The following PCNX1 variants were observed in gnomAD, a reference collection of about 807,000 sequenced individuals.
The protein encoded by PCNX1 is pecanex 1, also known as pecanex-like protein 1.
A neutral mutation model predicts 242.2 loss-of-function variants in PCNX1; 78 were observed. That is an observed-to-expected ratio of 0.32 (90% CI 0.27 to 0.39). PCNX1 has a LOEUF of 0.39. PCNX1 is among the 10% of genes least tolerant of loss of function. The probability of loss-of-function intolerance (pLI) is 1.00; values close to 1 mark genes in which losing one functional copy is unlikely to be tolerated. For synonymous variants in PCNX1, 1,024 were observed against 1,032.9 expected (o/e 0.99, Z 0.17); for missense variants, 2,581 against 2,856.5 (o/e 0.90, Z 2.20).
chr14:70,968,042 A>G (rs775678088), intron 3 of PCNX1, among the ~76,000 whole-genome samples, 156 bp from the exon 4 acceptor site: 2 of 152,220 alleles, frequency 1.3e-5, no homozygotes, highest in Admixed American at 6.5e-5. Flanking sequence ...CGTGGCTCCA[A>G]TAGAGCTTGT....
chr14:71,100,567 C>G (rs2062436344), intron 30 of PCNX1, among the ~76,000 whole-genome samples: 1 of 152,084 alleles, frequency 6.6e-6, no homozygotes, highest in African/African-American at 2.4e-5. Flanking sequence ...GACTGTATGC[C>G]TGGTGATGTT....
chr14:70,909,429 TA>T (rs1458728928), intron 1 of PCNX1, among the ~76,000 whole-genome samples: 2 of 152,324 alleles, frequency 1.3e-5, no homozygotes, highest in East Asian at 3.9e-4. Context: ...CTTCCAGGAA[TA>T]TGACATCATT....
At chr14:70,925,235 T>A (rs2056543927) in intron 1 of PCNX1, among the ~76,000 whole-genome samples, 1 of 152,180 alleles carries the variant, frequency 6.6e-6, no homozygotes, top group Non-Finnish European at 1.5e-5. Context: ...GTGATCTGCC[T>A]GCTTCAGCCT....
chr14:71,028,235 T>C (rs779162087), intron 15 of PCNX1, among the ~76,000 whole-genome samples: 6 of 136,630 alleles, frequency 4.4e-5, no homozygotes, highest in Non-Finnish European at 8.2e-5. Context: ...TTGTTAGCAA[T>C]TAGATCTACA....
At chr14:70,928,821 A>G (rs1226923218) in intron 1 of PCNX1, among the ~76,000 whole-genome samples, 1 of 152,192 alleles carries the variant, frequency 6.6e-6, no homozygotes, top group East Asian at 1.9e-4. Flanking sequence ...ATATGCATAC[A>G]TACCTCTACC....
At position 71,067,369 on chromosome 14, in the gene PCNX1, A is replaced by AT. The variant is rs565053651; in HGVS notation, c.4853-6168dup. Among the ~76,000 whole-genome samples the AT allele has an allele frequency of 6.0e-5, 9 of 150,952 alleles. 1 individual carries two copies. In the South Asian group the frequency reaches 1.7e-3, roughly 28 times the overall value. On this transcript the variant is annotated intron_variant, in intron 26 of 35. Transcript: ENST00000304743. ...GGTGTATGTGTCCAGAAATTTATCT[A>AT]TTTTTTTTCTAGACTTTCTAGTTTA...
intron 26 of PCNX1, among the ~76,000 whole-genome samples, chr14:71,059,624 C>T (rs2061273709): frequency 6.6e-6 from 1 of 152,078 alleles, no homozygotes; most frequent in Admixed American, 6.6e-5. Flanking sequence ...AACTCCTGAG[C>T]TCAAGCGACC....
At chr14:70,988,749 C>G (rs368779899) in intron 7 of PCNX1, 50 bp downstream of exon 7, 22 of 1,571,602 alleles carry the variant, frequency 1.4e-5, no homozygotes, top group African/African-American at 1.3e-4. Context: ...AACAACCCTT[C>G]TAATCTGTTC....
intron 26 of PCNX1, among the ~76,000 whole-genome samples, chr14:71,063,594 A>G (rs1227720822): frequency 6.6e-6 from 1 of 152,134 alleles, no homozygotes; most frequent in Admixed American, 6.6e-5. Flanking sequence ...TTTTCTTTAT[A>G]GTGTGATCCC....
rs114202920 is a variant in PCNX1, at chr14:70,926,850, C to A, written c.153+18847C>A. Among the ~76,000 whole-genome samples, 419 of 152,000 alleles carry A rather than the reference C, an allele frequency of 2.8e-3. 4 individuals are homozygous for A. The highest frequency in any genetic ancestry group is 9.7e-3 in the African/African-American group (401 of 41,434). On this transcript the variant is annotated intron_variant, in intron 1 of 35. Coordinates refer to ENST00000304743, the MANE Select transcript of PCNX1 (RefSeq NM_014982.3). ...TCTGGTATTAAAATTTCACAGGGAG[C>A]GTGATGAGGAAAAGAATGTCTGAAA... is the stretch of plus-strand genomic sequence containing the variant.
Position 70,977,010 on chromosome 14 carries a change from T to G in PCNX1, c.673T>G (p.Leu225Val), listed in dbSNP as rs1236975719. The change falls in exon 6 of 36, where the codon TTA becomes GTA. Residue 225 changes from leucine (L) to valine (V), a missense_variant. Transcript: ENST00000304743. ...CTCCTTCATCTCTATTCAGCCTTCC[T>G]TATCCTCTTGTGGACAGGACTTGCC... ...NDSFISIQPS[L>V]SSCGQDLPRD... 6.2e-7 allele frequency: 1 copy of G among 1,614,170 alleles called. No homozygotes were observed. The highest frequency in any genetic ancestry group is 8.5e-7 in the Non-Finnish European group (1 of 1,180,008).
At chr14:70,937,455 A>G (rs1194810204) in intron 1 of PCNX1, among the ~76,000 whole-genome samples, 1 of 152,042 alleles carries the variant, frequency 6.6e-6, no homozygotes, top group Non-Finnish European at 1.5e-5. Flanking sequence ...GATGTGCGGT[A>G]TTATTTCTGA....
chr14:70,926,078 C>T (rs1041624027), intron 1 of PCNX1, among the ~76,000 whole-genome samples: 2 of 152,146 alleles, frequency 1.3e-5, no homozygotes, highest in African/African-American at 4.8e-5. Context: ...CTTGGCTCTC[C>T]TTCTTGACCA....
At chr14:71,039,733 A>G (rs1255211864) in intron 19 of PCNX1, among the ~76,000 whole-genome samples, 1 of 152,112 alleles carries the variant, frequency 6.6e-6, no homozygotes, top group Non-Finnish European at 1.5e-5. Context: ...AAGTGCACAT[A>G]CCCTCTCCTA....
intron 2 of PCNX1, among the ~76,000 whole-genome samples, chr14:70,956,165 C>T (rs1253917520): frequency 1.3e-5 from 2 of 152,008 alleles, no homozygotes; most frequent in African/African-American, 4.8e-5. Context: ...TTTTAAAATC[C>T]CTGCTCTAAA....
chr14:71,108,997 C>T lies in PCNX1; in HGVS notation c.6695C>T (p.Pro2232Leu), dbSNP rs1750966936. ...GCACAGCCAGGCAACACCTTAAGTC[C>T]TGCCAACAATTCACACTCCAGAAAG... ...TDAQPGNTLS[P>L]ANNSHSRKAE... Residue 2232 changes from proline to leucine, a missense_variant, in exon 34 of 36, where the codon CCT becomes CTT. Coordinates refer to ENST00000304743, the MANE Select transcript of PCNX1 (RefSeq NM_014982.3). 3 of 1,614,134 alleles carry T rather than the reference C, an allele frequency of 1.9e-6. No individual in the cohort carries two copies. The highest frequency in any genetic ancestry group is 1.7e-5 in the Admixed American group (1 of 60,034).
At chr14:71,090,537 C>T (rs2062102316) in intron 30 of PCNX1, among the ~76,000 whole-genome samples, 1 of 152,112 alleles carries the variant, frequency 6.6e-6, no homozygotes, top group South Asian at 2.1e-4. Flanking sequence ...AAATGGAATA[C>T]TATTTGAGGA....
In PCNX1 at chr14:71,103,580, C is replaced by T; in HGVS notation, c.6006C>T (p.Tyr2002=). ...TTGTCTCACCCCTGACAACTTCTTA[C>T]TCTGACAGCCACGAACAGCTTAAAG... ...PIFVSPLTTS[Y]SDSHEQLKDI... Residue 2002 remains tyrosine, a synonymous_variant, in exon 32 of 36, where the codon TAC becomes TAT. Coordinates refer to ENST00000304743, the MANE Select transcript of PCNX1 (RefSeq NM_014982.3). 1.2e-6 allele frequency: 2 copies of T among 1,614,160 alleles called. No individual in the cohort carries two copies. Among genetic ancestry groups the T allele is most frequent in the Non-Finnish European group, 1.7e-6 (2 of 1,180,004 alleles).
intron 26 of PCNX1, among the ~76,000 whole-genome samples, chr14:71,067,843 C>G (rs61990416): frequency 1.3e-5 from 2 of 151,816 alleles, no homozygotes; most frequent in Admixed American, 1.3e-4. Context: ...TTATATATTT[C>G]TGCCTTCATT....
Sources: gnomAD v4.1 joint callset for allele counts (sites outside exome capture counted in the v4.1 genomes callset) on GRCh38, gnomAD v4.1.1 for gene constraint, MANE v1.5 for transcripts, NCBI Gene and HGNC (gene_info 2026-07-23, HGNC 2026-07-21) for gene names.